Variants in ZNF44 observed in about 807,000 individuals in gnomAD.
ZNF44 encodes the protein gonadotropin inducible transcription repressor-2.
A neutral mutation model predicts 11.7 loss-of-function variants in ZNF44; 9 were observed. That is an observed-to-expected ratio of 0.77 (90% CI 0.46 to 1.35). The LOEUF is 1.35. Ranked by LOEUF, ZNF44 falls within the 40% of genes most tolerant of loss-of-function variation. ZNF44 has a pLI of 0.00. For missense variants in ZNF44, 696 were observed against 743.1 expected (o/e 0.94, Z 0.74); for synonymous variants, 224 against 242.7 (o/e 0.92, Z 0.72).
At chr19:12,254,134 T>G (rs1182256527) in intron 5 of ZNF44, among the ~76,000 whole-genome samples, 3 of 150,886 alleles carry the variant, frequency 2.0e-5, no homozygotes, top group African/African-American at 7.4e-5. Context: ...GACTACATTG[T>G]GGGACATAAA....
chr19:12,282,971 T>C (rs976392088), intron 1 of ZNF44, among the ~76,000 whole-genome samples: 52 of 152,218 alleles, frequency 3.4e-4, no homozygotes, highest in African/African-American at 1.2e-3. Context: ...TCAAGGAAAA[T>C]GACAATTCCG....
intron 1 of ZNF44, among the ~76,000 whole-genome samples, chr19:12,288,771 A>AAT (rs1967866703): frequency 2.6e-5 from 1 of 38,368 alleles, no homozygotes; most frequent in African/African-American, 1.7e-4. Flanking sequence ...AAAAAAAAAA[A>AAT]ATGTATATAT....
At chr19:12,293,303 C>T in intron 1 of ZNF44, 1 of 1,536,938 alleles carries the variant, frequency 6.5e-7, no homozygotes, top group East Asian at 2.4e-5. Flanking sequence ...GGGCCGATAT[C>T]CACTAGGCCC....
exon 8 of ZNF44, chr19:12,248,331 C>T (rs562563411): frequency 7.7e-7 from 1 of 1,293,498 alleles, no homozygotes; most frequent in Non-Finnish European, 1.0e-6. Context: ...AGAACGTTGA[C>T]AACTGAAGGC....
At chr19:12,245,851 T>G (rs1452301097), downstream of ZNF44, among the ~76,000 whole-genome samples, 4 of 152,076 alleles carry the variant, frequency 2.6e-5, no homozygotes, top group Non-Finnish European at 2.9e-5. Context: ...GAGGCAGAAC[T>G]TAAGAAGGCT....
intron 3 of ZNF44, among the ~76,000 whole-genome samples, chr19:12,228,471 G>A (rs891264344): frequency 2.6e-5 from 4 of 152,198 alleles, no homozygotes; most frequent in African/African-American, 9.6e-5. Context: ...AAGCAGGCAA[G>A]TTGTACAGGT....
In ZNF44 at chr19:12,283,920, T is replaced by C. The variant is rs192763414; in HGVS notation, c.4-7838A>G. 3.9e-3 allele frequency among the ~76,000 whole-genome samples: 593 copies of C among 152,220 alleles called. 2 individuals are homozygous for C. The highest frequency in any genetic ancestry group is 0.014 in the African/African-American group (561 of 41,534). On this transcript the variant is annotated intron_variant, in intron 1 of 3. Transcript: ENST00000355684. The stretch of plus-strand genomic sequence containing the variant: ...CCCAGCTACTTGGGAGCCCAGGAGT[T>C]TGAGGCTGCAGTGAGCTGATTATGC...
chr19:12,233,604 T>C (rs963789569), intron 2 of ZNF44, among the ~76,000 whole-genome samples: 1 of 127,708 alleles, frequency 7.8e-6, no homozygotes, highest in African/African-American at 2.9e-5. Context: ...TGAGAACAGA[T>C]AGCAAATTTA....
At chr19:12,287,123 A>G (rs969498020) in intron 1 of ZNF44, among the ~76,000 whole-genome samples, 1 of 151,796 alleles carries the variant, frequency 6.6e-6, no homozygotes, top group African/African-American at 2.4e-5. Context: ...CAATTTTACT[A>G]CATTGATATA....
downstream of ZNF44, among the ~76,000 whole-genome samples, chr19:12,270,486 C>G (rs750732354): frequency 4.6e-5 from 7 of 151,682 alleles, no homozygotes; most frequent in Non-Finnish European, 1.0e-4. Flanking sequence ...GAGTCTCACT[C>G]TGTCACCCAG....
chr19:12,274,210 A>G (rs1348181693), intron 3 of ZNF44, 147 bp from the exon 4 acceptor site: 1 of 626,978 alleles, frequency 1.6e-6, no homozygotes, highest in African/African-American at 1.9e-5. Context: ...GTTGTGCAAG[A>G]TAACTCAATC....
intron 1 of ZNF44, among the ~76,000 whole-genome samples, chr19:12,294,437 G>A (rs1036634080): frequency 1.3e-5 from 2 of 152,230 alleles, no homozygotes; most frequent in South Asian, 4.1e-4. Flanking sequence ...CTGAGGGCGC[G>A]GAGCTGCCCA....
intron 3 of ZNF44, among the ~76,000 whole-genome samples, chr19:12,228,509 A>C (rs1341830800): frequency 1.3e-5 from 2 of 152,210 alleles, no homozygotes; most frequent in African/African-American, 4.8e-5. Context: ...TTTATAAAGC[A>C]GTCAGGAGGC....
At chr19:12,250,924 A>G (rs1916966094) in intron 5 of ZNF44, 3 of 411,384 alleles carry the variant, frequency 7.3e-6, no homozygotes, top group Non-Finnish European at 1.5e-5. Context: ...TTCAATCAAA[A>G]TATTTCTTTT....
downstream of ZNF44, among the ~76,000 whole-genome samples, chr19:12,268,930 C>T (rs571025873): frequency 8.7e-4 from 133 of 152,132 alleles, no homozygotes; most frequent in Middle Eastern, 6.8e-3. Context: ...TATCTGTAGA[C>T]ACATGGTCTC....
Position 12,275,034 on chromosome 19 carries a change from C to T in ZNF44, c.131-1G>A, listed in dbSNP as rs1349602846. The stretch of plus-strand genomic sequence containing the variant: ...ATGTTCTGGTTTTCCCATTTCATTC[C>T]TAAAAGAGAGATCCAGAAAATTCAC... On this transcript the variant is annotated splice_acceptor_variant, in intron 2 of 3. Transcript: ENST00000355684. LOFTEE classifies it high-confidence loss of function. 1 of 1,566,278 alleles carries T rather than the reference C, an allele frequency of 6.4e-7. No individual in the cohort carries two copies. Among genetic ancestry groups the T allele is most frequent in the South Asian group, 1.2e-5 (1 of 82,780 alleles).
chr19:12,231,314 T>G (rs142162181), intron 2 of ZNF44, among the ~76,000 whole-genome samples: 270 of 152,100 alleles, frequency 1.8e-3, no homozygotes, highest in African/African-American at 6.2e-3. Context: ...AGGTGGTGGA[T>G]CCATGCCAGG....
rs1010667732 is a variant in ZNF44, at chr19:12,266,387, C to T, written c.1912+6100G>A. 36 of 970,306 alleles carry T rather than the reference C, an allele frequency of 3.7e-5. No individual in the cohort carries two copies. The East Asian group carries it at 1.5e-3, about 40-fold the overall frequency. The allele number at this position is 970,306 out of a possible 1,614,324, so 60.1% of individuals were successfully genotyped here. A position where few individuals can be genotyped will look rare whatever the true frequency, so the allele number is the denominator to read the frequency against. Reference sequence around the variant, plus strand: ...ACACCCTCAGCACTTTCAGAGAAGCCGAGAGCGACCCGAGGGCGCCAAGGC... The same window carrying T: ...ACACCCTCAGCACTTTCAGAGAAGCTGAGAGCGACCCGAGGGCGCCAAGGC... On this transcript the variant is annotated intron_variant and NMD_transcript_variant, in intron 5 of 7. Transcript: ENST00000393337.
At chr19:12,235,335 G>C (rs1325306827) in intron 1 of ZNF44, among the ~76,000 whole-genome samples, 1 of 152,150 alleles carries the variant, frequency 6.6e-6, no homozygotes, top group Non-Finnish European at 1.5e-5. Context: ...CGCCACTGCA[G>C]TCCGACCTGG....
Sources: allele counts gnomAD v4.1 joint callset (sites outside exome capture counted in the v4.1 genomes callset), GRCh38; gene constraint gnomAD v4.1.1; transcripts MANE v1.5; gene names NCBI Gene and HGNC (gene_info 2026-07-23, HGNC 2026-07-21).